SPTLC1: variants seen among roughly 807,000 people sequenced by gnomAD.
The protein encoded by SPTLC1 is serine palmitoyltransferase long chain base subunit 1.
SPTLC1 carries 55 observed loss-of-function variants against 68.9 expected under a neutral mutation model. That is an observed-to-expected ratio of 0.80 (90% CI 0.64 to 1.00). The LOEUF (loss-of-function observed/expected upper bound fraction) is 1.00, where lower values mean the gene tolerates loss of function less well. Among genes scored for constraint, SPTLC1 ranks in the 50% least tolerant of loss-of-function variants. The probability of loss-of-function intolerance (pLI) is 0.00; values close to 1 mark genes in which losing one functional copy is unlikely to be tolerated. For missense variants in SPTLC1, 449 were observed against 573.1 expected (o/e 0.78, Z 2.21); for synonymous variants, 197 against 201.6 (o/e 0.98, Z 0.19).
chr9:92,110,008 T>A lies in SPTLC1; in HGVS notation c.166-1174A>T, dbSNP rs1836166743. 3 of 152,212 alleles carry A rather than the reference T, an allele frequency of 2.0e-5. No homozygotes were observed. The South Asian group carries it at 6.2e-4, about 32-fold the overall frequency. 9.4% of individuals were successfully genotyped at this position (152,212 alleles called of 1,614,324 possible). On this transcript the variant is annotated intron_variant, in intron 2 of 14. Coordinates refer to ENST00000262554, the MANE Select transcript of SPTLC1 (RefSeq NM_006415.4). ...AAATTCATTTTACATCCAACCACCATTTTGGCTTTAAAGACGCCACTTGAT... is the reference window on the plus strand; with the variant it reads ...AAATTCATTTTACATCCAACCACCAATTTGGCTTTAAAGACGCCACTTGAT...
At chr9:92,075,082 T>C (rs1455413277) in intron 5 of SPTLC1, among the ~76,000 whole-genome samples, 1 of 152,100 alleles carries the variant, frequency 6.6e-6, no homozygotes, top group African/African-American at 2.4e-5. Context: ...TGGATGACCT[T>C]CTTCTTTGCA....
intron 3 of SPTLC1, among the ~76,000 whole-genome samples, chr9:92,098,594 T>C (rs930125007): frequency 6.6e-6 from 1 of 151,940 alleles, no homozygotes; most frequent in African/African-American, 2.4e-5. Context: ...GAAGGGATGT[T>C]AACAATCACC....
intron 7 of SPTLC1, among the ~76,000 whole-genome samples, chr9:92,058,416 T>C (rs1272706890): frequency 1.4e-5 from 2 of 148,084 alleles, no homozygotes; most frequent in Non-Finnish European, 2.9e-5. Context: ...TGAAACTGTG[T>C]CTGAGATGAA....
At chr9:92,080,309 C>A (rs570220161) in intron 4 of SPTLC1, among the ~76,000 whole-genome samples, 19 of 152,196 alleles carry the variant, frequency 1.2e-4, no homozygotes, top group African/African-American at 4.1e-4. Context: ...ATTTGTGGGC[C>A]AAGTCTTTCC....
At chr9:92,071,100 T>C (rs1003587043) in intron 5 of SPTLC1, among the ~76,000 whole-genome samples, 1 of 149,198 alleles carries the variant, frequency 6.7e-6, no homozygotes, top group South Asian at 2.1e-4. Context: ...AAAAAAAAAA[T>C]CCCTAGAGGC....
At chr9:92,052,122 G>C (rs1833721166) in intron 8 of SPTLC1, among the ~76,000 whole-genome samples, 1 of 152,140 alleles carries the variant, frequency 6.6e-6, no homozygotes, top group South Asian at 2.1e-4. Context: ...AATTTCAAGA[G>C]ACCCCAAATA....
chr9:92,078,181 T>C (rs373645767), intron 5 of SPTLC1, among the ~76,000 whole-genome samples: 2 of 152,176 alleles, frequency 1.3e-5, no homozygotes, highest in East Asian at 3.8e-4. Context: ...TGATATCTAA[T>C]ACCAACAAGC....
intron 2 of SPTLC1, 200 bp from the exon 3 acceptor site, chr9:92,109,034 T>C (rs1836121934): frequency 1.4e-6 from 1 of 691,438 alleles, no homozygotes; most frequent in Non-Finnish European, 2.3e-6. Context: ...GACACATGCC[T>C]ACCATAGAGT....
intron 3 of SPTLC1, among the ~76,000 whole-genome samples, chr9:92,099,698 T>TC (rs1289012117): frequency 6.6e-6 from 1 of 152,076 alleles, no homozygotes; most frequent in African/African-American, 2.4e-5. Context: ...CCCAGGCTGG[T>TC]CTCAAATTCC....
chr9:92,071,851 G>A (rs1374316083), intron 5 of SPTLC1, among the ~76,000 whole-genome samples: 1 of 152,246 alleles, frequency 6.6e-6, no homozygotes. Context: ...CATTGTAACA[G>A]GCTCTACCCT....
Position 92,041,710 on chromosome 9 carries a change from T to C in SPTLC1, c.1137-3345A>G, listed in dbSNP as rs183611520. 2.1e-4 allele frequency among the ~76,000 whole-genome samples: 32 copies of C among 152,230 alleles called. No individual in the cohort carries two copies. The East Asian group carries it at 6.2e-3, about 29-fold the overall frequency. On this transcript the variant is annotated intron_variant, in intron 12 of 14. Transcript: ENST00000262554. ...GATCCATTTAAATTATAAACAGATA[T>C]AAAAAGTCAAATTAAAATATTAGCT... is the stretch of plus-strand genomic sequence containing the variant.
rs140850035 is a variant in SPTLC1 at position 92,092,673 on chromosome 9, T to C, written c.261-11710A>G. Among the ~76,000 whole-genome samples, 1,042 of 152,250 alleles carry C rather than the reference T, an allele frequency of 6.8e-3. 11 individuals are homozygous for C. Among genetic ancestry groups the C allele is most frequent in the African/African-American group, 0.024 (990 of 41,536 alleles). ...TGGCTTGAACCTGGGAGGCAAAGGT[T>C]GCAGTGAGCCGAGATTGCGCCACTG... On this transcript the variant is annotated intron_variant, in intron 3 of 14. Coordinates refer to ENST00000262554, the MANE Select transcript of SPTLC1 (RefSeq NM_006415.4).
At position 92,104,294 on chromosome 9, in the gene SPTLC1, C is replaced by T. The variant is rs977862092; in HGVS notation, c.260+4446G>A. 2.3e-5 allele frequency: 31 copies of T among 1,371,718 alleles called. No individual in the cohort carries two copies. In the East Asian group the frequency reaches 3.5e-4, roughly 16 times the overall value. The allele number at this position is 1,371,718 out of a possible 1,614,324, so 85.0% of individuals were successfully genotyped here. A position where few individuals can be genotyped will look rare whatever the true frequency, so the allele number is the denominator to read the frequency against. ...GCTCGTCTTGTCCGTGAGGCCTTCC[C>T]AGCTGGCCGGGCTCACCCCGCGGCT... is the stretch of plus-strand genomic sequence containing the variant. On this transcript the variant is annotated intron_variant, in intron 3 of 14. Coordinates refer to ENST00000262554, the MANE Select transcript of SPTLC1 (RefSeq NM_006415.4).
Position 92,076,321 on chromosome 9 carries a change from C to G in SPTLC1, c.427+3695G>C, listed in dbSNP as rs116989342. Among the ~76,000 whole-genome samples the G allele has an allele frequency of 9.3e-3, 1,417 of 152,338 alleles. 8 individuals carry two copies. The highest frequency in any genetic ancestry group is 0.015 in the Non-Finnish European group (1,009 of 68,036). ...CACTGCAAAGGACACCAAAAAACCT[C>G]TGATCCCATTGCCCAAGGAAACACC... On this transcript the variant is annotated intron_variant, in intron 5 of 14. Transcript: ENST00000262554.
chr9:92,073,208 C>T (rs901182107), intron 5 of SPTLC1, among the ~76,000 whole-genome samples: 5 of 152,328 alleles, frequency 3.3e-5, no homozygotes, highest in Admixed American at 2.6e-4. Flanking sequence ...AGCATTCAGG[C>T]TCTTTTCCGT....
chr9:92,054,306 A>T (rs761550967), intron 8 of SPTLC1, among the ~76,000 whole-genome samples: 15 of 152,204 alleles, frequency 9.9e-5, no homozygotes, highest in Non-Finnish European at 2.1e-4. Context: ...ACACAAAAAA[A>T]CAAAAAAGCA....
chr9:92,110,891 TATACTG>T (rs1330796717), intron 2 of SPTLC1: 2 of 152,216 alleles, frequency 1.3e-5, no homozygotes, highest in Non-Finnish European at 2.9e-5. Context: ...TTCCAACAAT[TATACTG>T]TTACAATATA....
chr9:92,115,027 C>T (rs1383195314), intron 1 of SPTLC1: 2 of 531,186 alleles, frequency 3.8e-6, no homozygotes, highest in Non-Finnish European at 6.8e-6. Flanking sequence ...TTTTTGCAGA[C>T]CTGTCTCCTG....
chr9:92,063,296 C>A (rs778473740), intron 6 of SPTLC1, among the ~76,000 whole-genome samples: 3 of 152,126 alleles, frequency 2.0e-5, no homozygotes, highest in Non-Finnish European at 4.4e-5. Context: ...TTGAAAAACA[C>A]AAACTACCTC....
Sources: allele counts gnomAD v4.1 joint callset (sites outside exome capture counted in the v4.1 genomes callset), GRCh38; gene constraint gnomAD v4.1.1; transcripts MANE v1.5; gene names NCBI Gene and HGNC (gene_info 2026-07-23, HGNC 2026-07-21).